The following FN3KRP variants were observed in gnomAD, a reference collection of about 807,000 sequenced individuals.
The protein encoded by FN3KRP is ketosamine-3-kinase.
A neutral mutation model predicts 29.8 loss-of-function variants in FN3KRP; 33 were observed. The ratio of observed to expected loss-of-function variants is 1.11; its 90% confidence interval spans 0.84 to 1.48. FN3KRP has a LOEUF of 1.48. FN3KRP is among the 40% of genes most tolerant of loss of function. The pLI, the probability that FN3KRP is intolerant of heterozygous loss-of-function variation, is 0.00. For missense variants in FN3KRP, 430 were observed against 402.6 expected (o/e 1.07, Z -0.58); for synonymous variants, 157 against 155.2 (o/e 1.01, Z -0.09).
chr17:82,718,976 C>T lies in FN3KRP; in HGVS notation c.212C>T (p.Pro71Leu). 2 of 1,614,168 alleles carry T rather than the reference C, an allele frequency of 1.2e-6. No individual in the cohort carries two copies. The highest frequency in any genetic ancestry group is 1.1e-5 in the South Asian group (1 of 91,076). The change falls in exon 2 of 6, where the codon CCC (proline) becomes CTC (leucine). Residue 71 changes from proline (P) to leucine (L), a missense_variant. Pro to Leu is a moderately conservative substitution (Grantham distance 98). Coordinates refer to ENST00000269373, the MANE Select transcript of FN3KRP (RefSeq NM_024619.4). Reference protein sequence around the residue: ...AILKTNTVKVPKPIKVLDAPG... With the variant: ...AILKTNTVKVLKPIKVLDAPG... ...CTGAAAACAAACACGGTGAAAGTGC[C>T]CAAGCCCATCAAGGTTCTGGATGCC...
chr17:82,721,784 G>A (rs2046800171), intron 3 of FN3KRP, among the ~76,000 whole-genome samples: 1 of 152,030 alleles, frequency 6.6e-6, no homozygotes, highest in African/African-American at 2.4e-5. Context: ...TTACAGGCAT[G>A]AGCTACTGGG....
chr17:82,726,381 T>C (rs2143620649), intron 4 of FN3KRP, 99 bp from the exon 5 acceptor site: 1 of 1,479,688 alleles, frequency 6.8e-7, no homozygotes, highest in Non-Finnish European at 9.1e-7. Flanking sequence ...CACGTGCCGC[T>C]CCTGCAGCCC....
At chr17:82,725,643 G>A (rs56259547) in intron 4 of FN3KRP, among the ~76,000 whole-genome samples, 13,810 of 151,858 alleles carry the variant, frequency 0.091, 889 homozygotes, top group South Asian at 0.28. Flanking sequence ...ACAAGCATGA[G>A]CCACCACACC....
chr17:82,719,167 C>T (rs1568059146), intron 2 of FN3KRP, 110 bp downstream of exon 2: 17 of 1,076,086 alleles, frequency 1.6e-5, no homozygotes, highest in Non-Finnish European at 1.8e-5. Context: ...GCTTTATTAT[C>T]TGAGCAGGTG....
At chr17:82,726,685 C>G (rs1010801497) in intron 5 of FN3KRP, 83 bp downstream of exon 5, 1 of 1,539,450 alleles carries the variant, frequency 6.5e-7, no homozygotes, top group African/African-American at 1.4e-5. Context: ...GCAGGTGAGG[C>G]CACCTCTGAG....
At position 82,722,323 on chromosome 17, in the gene FN3KRP, CAG is replaced by C. The variant is rs200938302; in HGVS notation, c.386-480_386-479del. On this transcript the variant is annotated intron_variant, in intron 3 of 5. Transcript: ENST00000269373. ...CTAATTTTTATATGTTCAGTAGAGA[CAG>C]GGTTTCACCACGTTGGGCAGGCTGG... Among the ~76,000 whole-genome samples the C allele has an allele frequency of 3.0e-4, 46 of 152,252 alleles. No homozygotes were observed. In the East Asian group the frequency reaches 7.7e-3, roughly 26 times the overall value.
At chr17:82,719,451 G>A (rs988221452) in intron 2 of FN3KRP, among the ~76,000 whole-genome samples, 4 of 152,266 alleles carry the variant, frequency 2.6e-5, no homozygotes, top group Non-Finnish European at 5.9e-5. Context: ...AAAGTGAGAT[G>A]CTGACCAAAG....
In FN3KRP at chr17:82,727,250, T is replaced by C. The variant is rs2243446; in HGVS notation, c.*79T>C. The C allele has an allele frequency of 1, 1,270,346 of 1,271,990 alleles. 634,370 individuals carry two copies. Among genetic ancestry groups the C allele is most frequent in the Non-Finnish European group, 1 (903,075 of 903,100 alleles). 78.8% of individuals were successfully genotyped at this position (1,271,990 alleles called of 1,614,324 possible). ...GGCAAATTCTTGTTTCTTCACATGC[T>C]GGACTAGCTTAAGACCAATGCAGTA... On this transcript the variant is annotated 3_prime_UTR_variant, in exon 6 of 6. Coordinates refer to ENST00000269373, the MANE Select transcript of FN3KRP (RefSeq NM_024619.4).
At position 82,726,347 on chromosome 17, in the gene FN3KRP, G is replaced by A. The variant is rs935893210; in HGVS notation, c.469-133G>A. ...CTCCTGGGATGTGGTTCCCCCCTCA[G>A]GCTCCTGTGACTGCCACCCCTCCCA... is the stretch of plus-strand genomic sequence containing the variant. On this transcript the variant is annotated intron_variant, in intron 4 of 5. Transcript: ENST00000269373. 5.5e-6 allele frequency: 6 copies of A among 1,096,674 alleles called. No homozygotes were observed. In the African/African-American group the frequency reaches 7.9e-5, roughly 14 times the overall value. 67.9% of individuals were successfully genotyped at this position (1,096,674 alleles called of 1,614,324 possible).
rs568178549 is a variant in FN3KRP at position 82,727,728 on chromosome 17, C to T, written c.*557C>T. The T allele has an allele frequency of 1.3e-5, 2 of 152,826 alleles. No homozygotes were observed. Among genetic ancestry groups the T allele is most frequent in the South Asian group, 4.1e-4 (2 of 4,846 alleles). The allele number at this position is 152,826 out of a possible 1,614,324, so 9.5% of individuals were successfully genotyped here. On this transcript the variant is annotated 3_prime_UTR_variant, in exon 6 of 6. Transcript: ENST00000269373. The stretch of plus-strand genomic sequence containing the variant: ...CCTGCATGATCCCTGGGCCCTCCCG[C>T]AGGCTGAGCAAGTCTGTAAACTGAT...
Position 82,716,791 on chromosome 17 carries a change from C to A in FN3KRP, c.36C>A (p.Ser12Arg). 1 of 1,544,742 alleles carries A rather than the reference C, an allele frequency of 6.5e-7. No individual in the cohort carries two copies. The change falls in exon 1 of 6, where the codon AGC becomes AGA. Residue 12 changes from serine to arginine, a missense_variant. Transcript: ENST00000269373. The stretch of plus-strand genomic sequence containing the variant: ...TCCTGAGGCGCGAGCTGGGCTGCAG[C>A]TCTGTCAGGGCCACGGGCCACTCGG... Reference protein sequence around the residue: ...EELLRRELGCSSVRATGHSGG... With the variant: ...EELLRRELGCRSVRATGHSGG...
rs1208531173 is a variant in FN3KRP, at chr17:82,716,721, C to T, written c.-35C>T. On this transcript the variant is annotated 5_prime_UTR_variant, in exon 1 of 6. Coordinates refer to ENST00000269373, the MANE Select transcript of FN3KRP (RefSeq NM_024619.4). ...CGGCCGCCGTCTCTCGAGTCTCCGC[C>T]AGATCCGGGGCGGGTCCGCGGCCGC... is the stretch of plus-strand genomic sequence containing the variant. 2 of 1,467,380 alleles carry T rather than the reference C, an allele frequency of 1.4e-6. No homozygotes were observed. Among genetic ancestry groups the T allele is most frequent in the African/African-American group, 1.5e-5 (1 of 67,210 alleles). The allele number at this position is 1,467,380 out of a possible 1,614,324, so 90.9% of individuals were successfully genotyped here.
intron 4 of FN3KRP, among the ~76,000 whole-genome samples, chr17:82,723,577 GTGTGTGCATA>G (rs1015000456): frequency 4.3e-4 from 64 of 150,582 alleles, no homozygotes; most frequent in African/African-American, 1.2e-3. Flanking sequence ...GTGTGTGCAT[GTGTGTGCATA>G]TGTGTGCATG....
At chr17:82,724,851 C>T (rs966955698) in intron 4 of FN3KRP, among the ~76,000 whole-genome samples, 5 of 152,018 alleles carry the variant, frequency 3.3e-5, no homozygotes. Flanking sequence ...CTCTGTCACC[C>T]AGGCTGGAGT....
At position 82,719,049 on chromosome 17, in the gene FN3KRP, T is replaced by C. The variant is rs2046779750; in HGVS notation, c.285T>C (p.His95=). 6.2e-7 allele frequency: 1 copy of C among 1,606,372 alleles called. No homozygotes were observed. The highest frequency in any genetic ancestry group is 1.7e-5 in the Admixed American group (1 of 58,424). The part of the protein sequence containing the change: ...VLVMEHMDMR[H]LSSHAAKLGA... Reference sequence around the variant, plus strand: ...TGATGGAGCACATGGACATGAGGCATCTGAGCAGGTGCATCTTCACACCAC... The same window carrying C: ...TGATGGAGCACATGGACATGAGGCACCTGAGCAGGTGCATCTTCACACCAC... The change falls in exon 2 of 6, where the codon CAT becomes CAC. Residue 95 remains histidine, a synonymous_variant. Transcript: ENST00000269373.
Position 82,726,898 on chromosome 17 carries a change from G to A in FN3KRP, c.657G>A (p.Trp219Ter). The change falls in exon 6 of 6, where the codon TGG (tryptophan) becomes TGA (stop). Residue 219 changes from tryptophan (W) to a stop codon, truncating the protein, a stop_gained. Transcript: ENST00000269373. LOFTEE classifies it high-confidence loss of function. ...IIPALLHGDL[W>*]GGNVAEDSSG... ...CAGCCTTACTCCACGGGGACCTCTG[G>A]GGTGGAAACGTAGCAGAGGATTCCT... 1.3e-6 allele frequency: 2 copies of A among 1,599,114 alleles called. No homozygotes were observed. Among genetic ancestry groups the A allele is most frequent in the South Asian group, 1.1e-5 (1 of 89,482 alleles).
Position 82,727,150 on chromosome 17 carries a change from CATGAGGA to C in FN3KRP, c.912_918del (p.Met304IlefsTer35). ...GGTACAGAGGATCCTCCCTGAACAT[CATGAGGA>C]ATCTGGTCAAGTGAGCGGGCCTTAC... On this transcript the variant is annotated frameshift_variant, in exon 6 of 6. Transcript: ENST00000269373. LOFTEE classifies it high-confidence loss of function. 1 of 1,613,760 alleles carries C rather than the reference CATGAGGA, an allele frequency of 6.2e-7. No homozygotes were observed. The highest frequency in any genetic ancestry group is 8.5e-7 in the Non-Finnish European group (1 of 1,179,738).
intron 4 of FN3KRP, among the ~76,000 whole-genome samples, chr17:82,725,857 G>A (rs1241419428): frequency 6.6e-6 from 1 of 152,198 alleles, no homozygotes; most frequent in Non-Finnish European, 1.5e-5. Flanking sequence ...ACTATTGTCA[G>A]CTGCTACAAA....
In FN3KRP at chr17:82,722,830, C is replaced by T; in HGVS notation, c.412C>T (p.Pro138Ser). 6.2e-7 allele frequency: 1 copy of T among 1,614,014 alleles called. No individual in the cohort carries two copies. The highest frequency in any genetic ancestry group is 8.5e-7 in the Non-Finnish European group (1 of 1,180,018). The part of the protein sequence containing the change: ...VGRGGGQEER[P>S]FVARFGFDVV... Reference sequence around the variant, plus strand: ...GAGAGGAGGTGGGCAGGAGGAACGGCCCTTTGTGGCCCGGTTTGGATTTGA... The same window carrying T: ...GAGAGGAGGTGGGCAGGAGGAACGGTCCTTTGTGGCCCGGTTTGGATTTGA... The change falls in exon 4 of 6, where the codon CCC (proline) becomes TCC (serine). Residue 138 changes from proline to serine, a missense_variant. Physicochemically the swap from Pro to Ser is moderately conservative, Grantham distance 74. Coordinates refer to ENST00000269373, the MANE Select transcript of FN3KRP (RefSeq NM_024619.4).
Sources: allele counts gnomAD v4.1 joint callset (sites outside exome capture counted in the v4.1 genomes callset), GRCh38; gene constraint gnomAD v4.1.1; transcripts MANE v1.5; gene names NCBI Gene and HGNC (gene_info 2026-07-23, HGNC 2026-07-21).